Variants in UBXN11 observed in about 807,000 individuals in gnomAD.
UBXN11 encodes UBX domain protein 11.
UBXN11 carries 47 observed loss-of-function variants against 62.8 expected under a neutral mutation model. The ratio of observed to expected loss-of-function variants is 0.75; its 90% confidence interval spans 0.59 to 0.95. UBXN11 has a LOEUF of 0.95. Among genes scored for constraint, UBXN11 ranks in the 40% least tolerant of loss-of-function variants. UBXN11 has a pLI of 0.00. For synonymous variants in UBXN11, 294 were observed against 267.0 expected (o/e 1.10, Z -0.99); for missense variants, 638 against 661.7 (o/e 0.96, Z 0.39).
intron 9 of UBXN11, 137 bp from the exon 10 acceptor site, chr1:26,285,678 G>T: frequency 1.5e-6 from 2 of 1,362,222 alleles, no homozygotes; most frequent in Non-Finnish European, 2.0e-6. Flanking sequence ...CCCAGGCCTT[G>T]GGAGAGGGGC....
chr1:26,311,002 C>T (rs140925461), upstream of UBXN11, among the ~76,000 whole-genome samples: 164 of 152,184 alleles, frequency 1.1e-3, no homozygotes, highest in African/African-American at 3.6e-3. Context: ...GGTGGATATT[C>T]AGTCTGATGA....
chr1:26,305,981 T>C (rs917803194), intron 1 of UBXN11, among the ~76,000 whole-genome samples: 1 of 152,218 alleles, frequency 6.6e-6, no homozygotes, highest in African/African-American at 2.4e-5. Context: ...GTCCGACACA[T>C]TGTCTCCAGG....
intron 4 of UBXN11, among the ~76,000 whole-genome samples, chr1:26,300,675 T>C (rs2073509359): frequency 6.6e-6 from 1 of 152,162 alleles, no homozygotes; most frequent in African/African-American, 2.4e-5. Flanking sequence ...CCCACTGATA[T>C]CACACCTGGT....
In UBXN11 at chr1:26,302,800, G is replaced by T; in HGVS notation, c.71+13C>A. On this transcript the variant is annotated intron_variant, in intron 2 of 14. Transcript: ENST00000374222. Reference sequence around the variant, plus strand: ...AGGCGGGGACAGAAAGACCCCTGAGGCTGGCTCCTTACCCAGGATTCATAG... The same window carrying T: ...AGGCGGGGACAGAAAGACCCCTGAGTCTGGCTCCTTACCCAGGATTCATAG... The T allele has an allele frequency of 6.2e-7, 1 of 1,612,576 alleles. No homozygotes were observed. The highest frequency in any genetic ancestry group is 8.5e-7 in the Non-Finnish European group (1 of 1,179,128).
chr1:26,298,490 G>A (rs536438180), intron 4 of UBXN11, among the ~76,000 whole-genome samples: 2 of 152,262 alleles, frequency 1.3e-5, no homozygotes, highest in African/African-American at 4.8e-5. Context: ...GCGGGGTGCT[G>A]TAGAAAACAG....
At chr1:26,294,689 A>C (rs2073352977) in intron 7 of UBXN11, among the ~76,000 whole-genome samples, 1 of 152,166 alleles carries the variant, frequency 6.6e-6, no homozygotes. Context: ...TGTGAGAAGG[A>C]GGCAGGGCTG....
At position 26,284,412 on chromosome 1, in the gene UBXN11, A is replaced by G. The variant is rs1225932865; in HGVS notation, c.923T>C (p.Val308Ala). Residue 308 changes from valine (V) to alanine (A), a missense_variant, in exon 11 of 15, where the codon GTG becomes GCG. Transcript: ENST00000374222. The part of the protein sequence containing the change: ...LDPFPGEGRV[V>A]GRQLMHKALD... The stretch of plus-strand genomic sequence containing the variant: ...GGCCTTGTGCATCAGCTGCCTGCCC[A>G]CCACACGGCCCTCGCCTGGGAAGGG... The G allele has an allele frequency of 3.1e-6, 5 of 1,613,730 alleles. No individual in the cohort carries two copies. Among genetic ancestry groups the G allele is most frequent in the Non-Finnish European group, 4.2e-6 (5 of 1,179,862 alleles).
At chr1:26,306,833 G>GGGGGGGGGT (rs2073681155), upstream of UBXN11, 3 of 32,156 alleles carry the variant, frequency 9.3e-5, no homozygotes, top group Admixed American at 2.4e-4. Context: ...GCGGGGTGGG[G>GGGGGGGGGT]GGGGGGGGTG....
chr1:26,298,627 A>T (rs1019039686), intron 4 of UBXN11, among the ~76,000 whole-genome samples: 56 of 152,002 alleles, frequency 3.7e-4, no homozygotes, highest in African/African-American at 1.3e-3. Flanking sequence ...CCCTGCCTCT[A>T]CTAAAAATAC....
chr1:26,309,586 T>C (rs2073719726), upstream of UBXN11, among the ~76,000 whole-genome samples: 1 of 152,170 alleles, frequency 6.6e-6, no homozygotes, highest in African/African-American at 2.4e-5. Context: ...AGTCAGAGCC[T>C]TATTATAAAA....
chr1:26,317,919 C>A, intron 1 of UBXN11: 1 of 1,047,946 alleles, frequency 9.5e-7, no homozygotes, highest in Non-Finnish European at 1.5e-6. Context: ...GCCTCCTCTG[C>A]CTCCTGGTTC....
intron 8 of UBXN11, among the ~76,000 whole-genome samples, chr1:26,286,386 T>C (rs2073134980): frequency 6.6e-6 from 1 of 152,240 alleles, no homozygotes; most frequent in East Asian, 1.9e-4. Flanking sequence ...ATCCCAGATC[T>C]GTGTCAGGCA....
intron 1 of UBXN11, 52 bp from the exon 2 acceptor site, chr1:26,302,970 C>T: frequency 7.3e-7 from 1 of 1,365,152 alleles, no homozygotes; most frequent in Non-Finnish European, 1.0e-6. Flanking sequence ...GGCTCCAAGC[C>T]CAGGGGGTAG....
At chr1:26,290,363 C>T (rs1005511434) in intron 8 of UBXN11, among the ~76,000 whole-genome samples, 8 of 152,168 alleles carry the variant, frequency 5.3e-5, no homozygotes, top group Non-Finnish European at 1.0e-4. Context: ...GGGTCTGACC[C>T]GACCTGAACC....
chr1:26,283,145 C>T (rs1250802867), intron 12 of UBXN11, among the ~76,000 whole-genome samples: 1 of 151,988 alleles, frequency 6.6e-6, no homozygotes, highest in Admixed American at 6.6e-5. Flanking sequence ...CCCCAGGTAA[C>T]CCCCCGTTTC....
intron 7 of UBXN11, among the ~76,000 whole-genome samples, chr1:26,294,836 C>A (rs1205797299): frequency 4.6e-5 from 7 of 152,194 alleles, no homozygotes; most frequent in Admixed American, 4.6e-4. Flanking sequence ...CATCGCCATA[C>A]CTCTCTGAAA....
At position 26,302,793 on chromosome 1, in the gene UBXN11, C is replaced by A. The variant is rs1278410746; in HGVS notation, c.71+20G>T. The A allele has an allele frequency of 6.2e-7, 1 of 1,609,800 alleles. No homozygotes were observed. Among genetic ancestry groups the A allele is most frequent in the Admixed American group, 1.7e-5 (1 of 59,672 alleles). On this transcript the variant is annotated intron_variant, in intron 2 of 14. Transcript: ENST00000374222. ...GATACAGAGGCGGGGACAGAAAGAC[C>A]CCTGAGGCTGGCTCCTTACCCAGGA... is the stretch of plus-strand genomic sequence containing the variant.
In UBXN11 at chr1:26,297,444, G is replaced by T. The variant is rs200623730; in HGVS notation, c.338C>A (p.Thr113Asn). The T allele has an allele frequency of 4.8e-4, 752 of 1,554,854 alleles. No homozygotes were observed. Among genetic ancestry groups the T allele is most frequent in the Admixed American group, 7.7e-4 (40 of 51,764 alleles). ...CCCCCTACCTGGGTGTGGCCGGAGG[G>T]TCTGCACCAGGTCCTCTAGGGCCGC... ...KIAALEDLVQTLRPHPAEATL... is the reference protein window; with the variant it reads ...KIAALEDLVQNLRPHPAEATL... The change falls in exon 6 of 15, where the codon ACC becomes AAC. Residue 113 changes from threonine (T) to asparagine (N), a missense_variant. Physicochemically the swap from Thr to Asn is moderately conservative, Grantham distance 65. Coordinates refer to ENST00000374222, the MANE Select transcript of UBXN11 (RefSeq NM_001389556.1).
chr1:26,289,722 G>T (rs942257403), intron 8 of UBXN11, among the ~76,000 whole-genome samples: 1 of 152,176 alleles, frequency 6.6e-6, no homozygotes, highest in Non-Finnish European at 1.5e-5. Flanking sequence ...TGGGGGCTGT[G>T]GAGCCCAGAA....
Sources: gnomAD v4.1 joint callset for allele counts (sites outside exome capture counted in the v4.1 genomes callset) on GRCh38, gnomAD v4.1.1 for gene constraint, MANE v1.5 for transcripts, NCBI Gene and HGNC (gene_info 2026-07-23, HGNC 2026-07-21) for gene names.